SLC44A5: variants seen among roughly 807,000 people sequenced by gnomAD.
SLC44A5 encodes solute carrier family 44 member 5, also known as choline transporter-like protein 5.
Under a neutral mutation model 101.8 loss-of-function variants are expected in SLC44A5, and 57 were observed. The ratio of observed to expected loss-of-function variants is 0.56; its 90% CI spans 0.45 to 0.70. The LOEUF (loss-of-function observed/expected upper bound fraction) is 0.70. SLC44A5 is among the 30% of genes least tolerant of loss of function. The probability of loss-of-function intolerance (pLI) is 0.00; values close to 1 mark genes in which losing one functional copy is unlikely to be tolerated. For synonymous variants in SLC44A5, 281 were observed against 290.9 expected (o/e 0.97, Z 0.35); for missense variants, 737 against 853.1 (o/e 0.86, Z 1.70).
intron 2 of SLC44A5, among the ~76,000 whole-genome samples, chr1:75,458,428 A>G (rs11163435): frequency 0.59 from 90,264 of 151,968 alleles, 27,696 homozygotes; most frequent in East Asian, 0.97. Context: ...TTCAATTAGG[A>G]AAAAACATAC....
chr1:75,569,021 G>C (rs1014432810), intron 1 of SLC44A5, among the ~76,000 whole-genome samples: 4 of 152,092 alleles, frequency 2.6e-5, no homozygotes, highest in African/African-American at 7.2e-5. Context: ...GGCAGGTAAG[G>C]CTTCTCCTGA....
intron 2 of SLC44A5, among the ~76,000 whole-genome samples, chr1:75,435,568 A>C (rs1319959485): frequency 1.3e-5 from 2 of 152,010 alleles, no homozygotes; most frequent in Non-Finnish European, 2.9e-5. Context: ...TTCCCACACA[A>C]CTGTGGAAAG....
Position 75,333,552 on chromosome 1 carries a change from C to T in SLC44A5, c.101+6030G>A, listed in dbSNP as rs1023081020. Among the ~76,000 whole-genome samples the T allele has an allele frequency of 2.0e-5, 3 of 150,734 alleles. No homozygotes were observed. In the East Asian group the frequency reaches 5.8e-4, roughly 29 times the overall value. On this transcript the variant is annotated intron_variant, in intron 4 of 23. Transcript: ENST00000370859. Reference sequence around the variant, plus strand: ...AAAAACTCTGTAGGCACCTTTAAATCAAGAGATTTTTTAAAAAGTATTAAT... The same window carrying T: ...AAAAACTCTGTAGGCACCTTTAAATTAAGAGATTTTTTAAAAAGTATTAAT...
chr1:75,290,388 C>T (rs1653441412), intron 5 of SLC44A5, among the ~76,000 whole-genome samples: 1 of 152,110 alleles, frequency 6.6e-6, no homozygotes, highest in Non-Finnish European at 1.5e-5. Context: ...AAGGTATGAA[C>T]AGCGTGAAGG....
the SLC44A5 span, among the ~76,000 whole-genome samples, chr1:75,665,055 G>A: frequency 6.6e-6 from 1 of 151,906 alleles, no homozygotes; most frequent in Non-Finnish European, 1.5e-5. Flanking sequence ...CAGATTCAAT[G>A]CTATTTCGAT....
chr1:75,634,396 T>C, the SLC44A5 span, among the ~76,000 whole-genome samples: 97 of 152,176 alleles, frequency 6.4e-4, no homozygotes, highest in Non-Finnish European at 2.5e-4. Context: ...GGCATCACGC[T>C]ACCTGACTTC....
chr1:75,624,477 A>G, the SLC44A5 span, among the ~76,000 whole-genome samples: 1 of 152,108 alleles, frequency 6.6e-6, no homozygotes, highest in Non-Finnish European at 1.5e-5. Flanking sequence ...AGGCTTTATT[A>G]CAAATGGAGT....
chr1:75,647,110 T>C, the SLC44A5 span, among the ~76,000 whole-genome samples: 4 of 152,168 alleles, frequency 2.6e-5, no homozygotes, highest in African/African-American at 9.7e-5. Context: ...AATGGTTTCT[T>C]GGGCCAGGCC....
chr1:75,308,635 G>A (rs1320304392), intron 4 of SLC44A5, among the ~76,000 whole-genome samples: 4 of 152,182 alleles, frequency 2.6e-5, no homozygotes, highest in African/African-American at 7.2e-5. Flanking sequence ...GCACTACACA[G>A]CAGGGTGCAA....
intron 1 of SLC44A5, among the ~76,000 whole-genome samples, chr1:75,575,290 C>T (rs1673297742): frequency 6.6e-6 from 1 of 152,142 alleles, no homozygotes; most frequent in Non-Finnish European, 1.5e-5. Context: ...TGATTTCAGA[C>T]TTTAACACTT....
intron 23 of SLC44A5, among the ~76,000 whole-genome samples, chr1:75,209,246 A>G (rs1433076515): frequency 6.6e-6 from 1 of 152,226 alleles, no homozygotes; most frequent in South Asian, 2.1e-4. Context: ...TAAAATCCAC[A>G]TATTAGCCAA....
At chr1:75,573,006 C>T (rs538153768) in intron 1 of SLC44A5, among the ~76,000 whole-genome samples, 14 of 151,642 alleles carry the variant, frequency 9.2e-5, no homozygotes, top group African/African-American at 3.4e-4. Flanking sequence ...ACCTGTAGTT[C>T]CAACTACTAG....
chr1:75,224,869 A>G (rs1394127318), intron 13 of SLC44A5, among the ~76,000 whole-genome samples: 1 of 152,110 alleles, frequency 6.6e-6, no homozygotes, highest in East Asian at 1.9e-4. Context: ...GTGATTATAA[A>G]AGAGTCAAAA....
At chr1:75,675,253 G>GT in the SLC44A5 span, among the ~76,000 whole-genome samples, 3 of 152,174 alleles carry the variant, frequency 2.0e-5, no homozygotes, top group Middle Eastern at 3.2e-3. Context: ...AGTATGGAAT[G>GT]TTTTTTCATT....
intron 1 of SLC44A5, among the ~76,000 whole-genome samples, chr1:75,555,364 A>T (rs943737680): frequency 6.6e-6 from 1 of 152,074 alleles, no homozygotes; most frequent in Admixed American, 6.6e-5. Context: ...GGCTCTACAA[A>T]TGTATATGTT....
At chr1:75,646,699 CT>C in the SLC44A5 span, among the ~76,000 whole-genome samples, 2 of 152,268 alleles carry the variant, frequency 1.3e-5, no homozygotes, top group East Asian at 3.9e-4. Flanking sequence ...TCCCCTTTTG[CT>C]TGGCACTTCT....
chr1:75,597,674 C>T (rs1674723671), intron 1 of SLC44A5, among the ~76,000 whole-genome samples: 1 of 152,116 alleles, frequency 6.6e-6, no homozygotes, highest in African/African-American at 2.4e-5. Context: ...CTTCAGCAAA[C>T]CTGACAAAAA....
chr1:75,373,676 CT>C (rs1201012510), intron 3 of SLC44A5, among the ~76,000 whole-genome samples: 1 of 152,172 alleles, frequency 6.6e-6, no homozygotes, highest in African/African-American at 2.4e-5. Context: ...CACACGCTGC[CT>C]TGTCCACCAG....
At chr1:75,581,070 C>T (rs1179529919) in intron 1 of SLC44A5, among the ~76,000 whole-genome samples, 1 of 152,114 alleles carries the variant, frequency 6.6e-6, no homozygotes, top group African/African-American at 2.4e-5. Context: ...TTTTTAAAAA[C>T]AAATTATGTT....
Sources: gnomAD v4.1 joint callset for allele counts (sites outside exome capture counted in the v4.1 genomes callset) on GRCh38, gnomAD v4.1.1 for gene constraint, MANE v1.5 for transcripts, NCBI Gene and HGNC (gene_info 2026-07-23, HGNC 2026-07-21) for gene names.